The following ADD3 variants were observed in gnomAD, a reference collection of about 807,000 sequenced individuals.
ADD3 encodes the protein adducin 3, also known as gamma-adducin.
In ADD3, 25 loss-of-function variants were observed where a neutral mutation model predicts 80.2. The ratio of observed to expected loss-of-function variants is 0.31; its 90% confidence interval spans 0.23 to 0.44. ADD3 has a LOEUF of 0.44. Ranked by LOEUF, ADD3 falls within the 20% of genes least tolerant of loss-of-function variation. ADD3 has a pLI of 1.00. For missense variants in ADD3, 829 were observed against 847.5 expected, an observed-to-expected ratio of 0.98 and a Z score of 0.27; for synonymous variants, 284 against 289.6, an observed-to-expected ratio of 0.98 and a Z score of 0.20.
intron 5 of ADD3, among the ~76,000 whole-genome samples, chr10:110,117,839 C>T (rs1325678220): frequency 6.6e-6 from 1 of 152,006 alleles, no homozygotes; most frequent in African/African-American, 2.4e-5. Context: ...CATGGTGAAA[C>T]CCCATCTCTA....
At chr10:110,039,339 TA>T (rs370308579) in intron 1 of ADD3, among the ~76,000 whole-genome samples, 408 of 143,722 alleles carry the variant, frequency 2.8e-3, no homozygotes, top group Middle Eastern at 3.6e-3. Flanking sequence ...TTGGTGAAGT[TA>T]AAAAAAAAAA....
At chr10:110,031,947 G>C (rs1234108598) in intron 1 of ADD3, among the ~76,000 whole-genome samples, 2 of 150,732 alleles carry the variant, frequency 1.3e-5, no homozygotes, top group Non-Finnish European at 2.9e-5. Context: ...TCCCCTCTTA[G>C]CAACTTCAAA....
intron 1 of ADD3, among the ~76,000 whole-genome samples, chr10:110,098,309 G>A (rs1292264570): frequency 6.6e-6 from 1 of 152,154 alleles, no homozygotes; most frequent in Non-Finnish European, 1.5e-5. Flanking sequence ...TAATGATTGG[G>A]AGTATTTTTA....
At position 110,135,197 on chromosome 10, in the gene ADD3, G is replaced by T. The variant is rs926839153; in HGVS notation, c.*1579G>T. On this transcript the variant is annotated 3_prime_UTR_variant, in exon 15 of 15. Transcript: ENST00000356080. ...TCATTCTAGATCTCACTAACTACTG[G>T]AATCAGTGTTTTAATCTCTTGGTGG... 6.6e-6 allele frequency: 1 copy of T among 152,414 alleles called. No homozygotes were observed. The highest frequency in any genetic ancestry group is 1.5e-5 in the Non-Finnish European group (1 of 67,990). The allele number at this position is 152,414 out of a possible 1,614,324, so 9.4% of individuals were successfully genotyped here. A position where few individuals can be genotyped will look rare whatever the true frequency, so the allele number is the denominator to read the frequency against.
intron 2 of ADD3, among the ~76,000 whole-genome samples, chr10:110,108,899 G>A (rs774732847): frequency 5.3e-5 from 8 of 152,098 alleles, no homozygotes; most frequent in Non-Finnish European, 8.8e-5. Context: ...CCTATACTGC[G>A]TAGAAGCTAT....
chr10:110,112,934 G>A lies in ADD3; in HGVS notation c.334+19G>A, dbSNP rs1324871206. 6 of 1,607,028 alleles carry A rather than the reference G, an allele frequency of 3.7e-6. No homozygotes were observed. The highest frequency in any genetic ancestry group is 5.1e-6 in the Non-Finnish European group (6 of 1,177,398). The stretch of plus-strand genomic sequence containing the variant: ...CCTCTCAGTATGTCAGTTTTGGAGA[G>A]TTTTAAACATTATAATTTTACTTCC... On this transcript the variant is annotated intron_variant, in intron 3 of 14. Transcript: ENST00000356080.
intron 1 of ADD3, among the ~76,000 whole-genome samples, chr10:110,026,191 A>C (rs1044833773): frequency 1.3e-5 from 2 of 151,994 alleles, no homozygotes; most frequent in Non-Finnish European, 2.9e-5. Flanking sequence ...ATGTATTTAA[A>C]TGAGAAACAG....
chr10:110,013,333 C>A (rs1020570599), intron 1 of ADD3, among the ~76,000 whole-genome samples: 79 of 152,108 alleles, frequency 5.2e-4, no homozygotes, highest in Non-Finnish European at 2.9e-4. Flanking sequence ...GAACTCCTGA[C>A]CTCAAGTGTT....
chr10:110,072,934 G>T (rs554408907), intron 1 of ADD3, among the ~76,000 whole-genome samples: 1 of 152,080 alleles, frequency 6.6e-6, no homozygotes, highest in Non-Finnish European at 1.5e-5. Context: ...TTTACTTTTT[G>T]TCCAGGCCTT....
Position 110,124,108 on chromosome 10 carries a change from CT to C in ADD3, c.1240del (p.Ser414ProfsTer27). 6.2e-7 allele frequency: 1 copy of C among 1,614,134 alleles called. No individual in the cohort carries two copies. Among genetic ancestry groups the C allele is most frequent in the Non-Finnish European group, 8.5e-7 (1 of 1,179,996 alleles). ...GTGGAAATCCCAGCAACTGTGACTG[CT>C]TTTTCCTTTGAAGACGATACAGTGC... is the stretch of plus-strand genomic sequence containing the variant. ...SDVEIPATVT[A>X]FSFEDDTVPL... On this transcript the variant is annotated frameshift_variant, in exon 10 of 15. Coordinates refer to ENST00000356080, the MANE Select transcript of ADD3 (RefSeq NM_016824.5). LOFTEE classifies it high-confidence loss of function.
intron 1 of ADD3, among the ~76,000 whole-genome samples, chr10:109,999,477 T>C (rs1467971905): frequency 6.6e-6 from 1 of 152,230 alleles, no homozygotes; most frequent in Non-Finnish European, 1.5e-5. Flanking sequence ...AATTGACCTC[T>C]ATCTTCCCTG....
upstream of ADD3, chr10:110,006,017 G>A (rs560893156): frequency 3.1e-5 from 7 of 226,080 alleles, no homozygotes; most frequent in South Asian, 2.6e-4. Context: ...CGCCGCCGCC[G>A]CTGCTGCTGC....
At chr10:110,091,604 C>T (rs1441368361) in intron 1 of ADD3, among the ~76,000 whole-genome samples, 1 of 152,116 alleles carries the variant, frequency 6.6e-6, no homozygotes, top group Non-Finnish European at 1.5e-5. Flanking sequence ...TGAAACTGGA[C>T]CTTTTCCTTT....
At chr10:110,077,738 T>G (rs1195414104) in intron 1 of ADD3, among the ~76,000 whole-genome samples, 1 of 151,554 alleles carries the variant, frequency 6.6e-6, no homozygotes, top group Non-Finnish European at 1.5e-5. Flanking sequence ...GGAGAATTAT[T>G]GTTGTTCATT....
chr10:110,010,481 A>C (rs1274808925), intron 1 of ADD3, among the ~76,000 whole-genome samples: 1 of 152,208 alleles, frequency 6.6e-6, no homozygotes, highest in Non-Finnish European at 1.5e-5. Flanking sequence ...CCGAGTTGTT[A>C]TATGTAAAGT....
At chr10:110,026,279 C>G (rs1390294183) in intron 1 of ADD3, among the ~76,000 whole-genome samples, 5 of 132,304 alleles carry the variant, frequency 3.8e-5, no homozygotes, top group Non-Finnish European at 7.7e-5. Flanking sequence ...CCCCAGTTTT[C>G]TTGTTTTTTT....
chr10:110,030,534 A>G (rs1444148289), intron 1 of ADD3, among the ~76,000 whole-genome samples: 1 of 151,306 alleles, frequency 6.6e-6, no homozygotes, highest in Non-Finnish European at 1.5e-5. Flanking sequence ...TTTAGGTGGC[A>G]TGGATCTAGG....
intron 1 of ADD3, chr10:110,016,684 T>C (rs1853042312): frequency 6.6e-6 from 1 of 152,214 alleles, no homozygotes; most frequent in African/African-American, 2.4e-5. Flanking sequence ...TTTGTCTCAT[T>C]TTGTAAGGCA....
At chr10:110,004,170 G>A (rs1851546290), upstream of ADD3, among the ~76,000 whole-genome samples, 1 of 151,656 alleles carries the variant, frequency 6.6e-6, no homozygotes, top group East Asian at 2.0e-4. Flanking sequence ...GAGAAGCAAG[G>A]AAAACAAAAA....
Sources: gnomAD v4.1 joint callset for allele counts (sites outside exome capture counted in the v4.1 genomes callset) on GRCh38, gnomAD v4.1.1 for gene constraint, MANE v1.5 for transcripts, NCBI Gene and HGNC (gene_info 2026-07-23, HGNC 2026-07-21) for gene names.